RBM43: variants seen among roughly 807,000 people sequenced by gnomAD.
RBM43 encodes the protein RNA-binding protein 43.
Under a neutral mutation model 12.4 loss-of-function variants are expected in RBM43, and 12 were observed. The observed-to-expected ratio is 0.97, with a 90% CI of 0.62 to 1.57. The LOEUF is 1.57. Among genes scored for constraint, RBM43 ranks in the 40% most tolerant of loss-of-function variants. The probability of loss-of-function intolerance (pLI) is 0.00; values close to 1 mark genes in which losing one functional copy is unlikely to be tolerated. For missense variants in RBM43, 348 were observed against 400.1 expected (o/e 0.87, Z 1.11); for synonymous variants, 138 against 145.7 (o/e 0.95, Z 0.38).
chr2:151,260,131 CTT>C (rs78047045), intron 1 of RBM43, among the ~76,000 whole-genome samples: 17 of 140,148 alleles, frequency 1.2e-4, no homozygotes, highest in Admixed American at 1.4e-4. Flanking sequence ...CTCTCGAAGT[CTT>C]TTTTTTTTTT....
At chr2:151,253,254 T>G (rs1039118970) in intron 2 of RBM43, among the ~76,000 whole-genome samples, 3 of 152,200 alleles carry the variant, frequency 2.0e-5, no homozygotes, top group Admixed American at 6.5e-5. Flanking sequence ...ATTCTCTAGA[T>G]GTTGGCGAGA....
chr2:151,260,849 C>T (rs561927973), intron 1 of RBM43: 130 of 192,024 alleles, frequency 6.8e-4, no homozygotes, highest in Non-Finnish European at 1.3e-3. Flanking sequence ...GACATACTAA[C>T]GTGATGGCGC....
chr2:151,259,547 C>A (rs1683020726), intron 1 of RBM43, among the ~76,000 whole-genome samples: 1 of 151,880 alleles, frequency 6.6e-6, no homozygotes, highest in Non-Finnish European at 1.5e-5. Context: ...GCTGAGGAAC[C>A]AGAATGGCTG....
intron 2 of RBM43, 150 bp downstream of exon 2, chr2:151,255,383 A>G: frequency 1.8e-6 from 1 of 540,858 alleles, no homozygotes; most frequent in East Asian, 3.5e-5. Context: ...ATGCCACCGC[A>G]CTCTAACCTG....
At chr2:151,261,071 C>T in intron 1 of RBM43, 2 of 660,004 alleles carry the variant, frequency 3.0e-6, no homozygotes, top group Non-Finnish European at 4.9e-6. Context: ...AACGTACTTG[C>T]TTTTGCATTT....
chr2:151,253,255 G>A (rs917202461), intron 2 of RBM43, among the ~76,000 whole-genome samples: 2 of 152,092 alleles, frequency 1.3e-5, no homozygotes, highest in Non-Finnish European at 2.9e-5. Flanking sequence ...TTCTCTAGAT[G>A]TTGGCGAGAC....
At chr2:151,254,311 C>G (rs571003880) in intron 2 of RBM43, among the ~76,000 whole-genome samples, 1 of 152,046 alleles carries the variant, frequency 6.6e-6, no homozygotes, top group Non-Finnish European at 1.5e-5. Flanking sequence ...CTCTCTTTCT[C>G]TCTCTCTCTG....
chr2:151,258,886 T>C (rs1683009252), intron 1 of RBM43, among the ~76,000 whole-genome samples: 2 of 152,152 alleles, frequency 1.3e-5, no homozygotes, highest in Non-Finnish European at 1.5e-5. Flanking sequence ...CTCACACCTG[T>C]AATCCCTGCA....
intron 1 of RBM43, among the ~76,000 whole-genome samples, chr2:151,256,411 G>A (rs1379632741): frequency 1.3e-5 from 2 of 152,104 alleles, no homozygotes; most frequent in African/African-American, 4.8e-5. Flanking sequence ...CACAAAATAT[G>A]GTATTTGGAG....
chr2:151,252,606 G>C (rs753495537), intron 3 of RBM43, 149 bp downstream of exon 3: 1 of 508,800 alleles, frequency 2.0e-6, no homozygotes, highest in East Asian at 2.9e-5. Flanking sequence ...CAAGGGCCAG[G>C]GTTGGCCTTT....
Position 151,249,117 on chromosome 2 carries a change from G to T in RBM43, c.*1789C>A, listed in dbSNP as rs996490325. On this transcript the variant is annotated 3_prime_UTR_variant, in exon 4 of 4. Transcript: ENST00000331426. ...TACCTGTGAAAGTGGTGGGGGTGTAGGGGGTTCAAAGGGCCCCAACATGGG... is the reference window on the plus strand; with the variant it reads ...TACCTGTGAAAGTGGTGGGGGTGTATGGGGTTCAAAGGGCCCCAACATGGG... 2 of 152,202 alleles carry T rather than the reference G, an allele frequency of 1.3e-5. No individual in the cohort carries two copies. The highest frequency in any genetic ancestry group is 2.4e-5 in the African/African-American group (1 of 41,440). 9.4% of individuals were successfully genotyped at this position (152,202 alleles called of 1,614,324 possible).
chr2:151,258,643 G>A (rs1324739135), intron 1 of RBM43, among the ~76,000 whole-genome samples: 1 of 152,122 alleles, frequency 6.6e-6, no homozygotes, highest in African/African-American at 2.4e-5. Flanking sequence ...CGAGGCTGCA[G>A]TGAGCCAGGA....
Position 151,250,684 on chromosome 2 carries a change from A to T in RBM43, c.*222T>A. The T allele has an allele frequency of 2.3e-6, 1 of 432,570 alleles. No individual in the cohort carries two copies. The highest frequency in any genetic ancestry group is 4.1e-6 in the Non-Finnish European group (1 of 245,564). The allele number at this position is 432,570 out of a possible 1,614,324, so 26.8% of individuals were successfully genotyped here. A position where few individuals can be genotyped will look rare whatever the true frequency, so the allele number is the denominator to read the frequency against. ...CTGTGTAATCAGATAGACTGGGCTA[A>T]GCCACAGCCTCATTCTTTGTCAACT... On this transcript the variant is annotated 3_prime_UTR_variant, in exon 4 of 4. Coordinates refer to ENST00000331426, the MANE Select transcript of RBM43 (RefSeq NM_198557.3).
intron 1 of RBM43, among the ~76,000 whole-genome samples, chr2:151,259,108 T>C (rs1049584083): frequency 6.7e-6 from 1 of 149,318 alleles, no homozygotes; most frequent in African/African-American, 2.5e-5. Context: ...CACTCCAGCC[T>C]GCCTGGGCAA....
intron 1 of RBM43, among the ~76,000 whole-genome samples, chr2:151,256,884 G>C (rs1453657295): frequency 6.6e-6 from 1 of 152,124 alleles, no homozygotes; most frequent in Non-Finnish European, 1.5e-5. Context: ...AGTAAAGCCT[G>C]ACTTCCAGCA....
chr2:151,261,020 A>C (rs1683038756), intron 1 of RBM43: 5 of 467,204 alleles, frequency 1.1e-5, no homozygotes, highest in Non-Finnish European at 1.9e-5. Flanking sequence ...TCAGTTGTTT[A>C]TTTTCAATGA....
At chr2:151,260,620 T>C (rs1418978725) in intron 1 of RBM43, among the ~76,000 whole-genome samples, 1 of 152,264 alleles carries the variant, frequency 6.6e-6, no homozygotes, top group Non-Finnish European at 1.5e-5. Context: ...AACTAGTTTC[T>C]ATGAATCATC....
At chr2:151,257,555 T>C (rs1458883553) in intron 1 of RBM43, among the ~76,000 whole-genome samples, 4 of 151,568 alleles carry the variant, frequency 2.6e-5, no homozygotes, top group Non-Finnish European at 5.9e-5. Flanking sequence ...TAGCCTGGCA[T>C]GGTGGTGCAT....
rs184858420 is a variant in RBM43, at chr2:151,261,044, G to C, written c.3+681C>G. The C allele has an allele frequency of 1.8e-4, 94 of 528,830 alleles. 1 individual carries two copies. The highest frequency in any genetic ancestry group is 7.4e-4 in the Admixed American group (23 of 30,970). The allele number at this position is 528,830 out of a possible 1,614,324, so 32.8% of individuals were successfully genotyped here. A position where few individuals can be genotyped will look rare whatever the true frequency, so the allele number is the denominator to read the frequency against. On this transcript the variant is annotated intron_variant, in intron 1 of 3. Transcript: ENST00000331426. ...TATTTTCAATGACGACGCCTCTACC[G>C]CCACCAGGTCAACAAAAACGTACTT...
Sources: gnomAD v4.1 joint callset for allele counts (sites outside exome capture counted in the v4.1 genomes callset) on GRCh38, gnomAD v4.1.1 for gene constraint, MANE v1.5 for transcripts, NCBI Gene and HGNC (gene_info 2026-07-23, HGNC 2026-07-21) for gene names.